MYT1L: variants seen among roughly 807,000 people sequenced by gnomAD.
The protein encoded by MYT1L is myelin transcription factor 1 like.
In MYT1L, 12 loss-of-function variants were observed where a neutral mutation model predicts 126.7. That is an observed-to-expected ratio of 0.09 (90% confidence interval 0.06 to 0.15). The LOEUF (loss-of-function observed/expected upper bound fraction) is 0.15. Ranked by LOEUF, MYT1L falls within the 10% of genes least tolerant of loss-of-function variation. The probability of loss-of-function intolerance (pLI) is 1.00; values close to 1 mark genes in which losing one functional copy is unlikely to be tolerated. For synonymous variants in MYT1L, 541 were observed against 604.2 expected (o/e 0.90, Z 1.53); for missense variants, 979 against 1,585.2 (o/e 0.62, Z 6.49).
chr2:2,159,235 C>G (rs533582665), intron 3 of MYT1L, among the ~76,000 whole-genome samples: 7 of 152,266 alleles, frequency 4.6e-5, no homozygotes, highest in African/African-American at 1.7e-4. Flanking sequence ...AGGCAGCATA[C>G]TAGGCAATCC....
At position 1,889,607 on chromosome 2, in the gene MYT1L, C is replaced by T; in HGVS notation, c.2284-130G>A. ...ACACAGAATCCCTCGCTGCTGTTTC[C>T]TTGGCCTAAACTCCCAAGGCGGACA... is the stretch of plus-strand genomic sequence containing the variant. On this transcript the variant is annotated intron_variant, in intron 15 of 24. Coordinates refer to ENST00000647738, the MANE Select transcript of MYT1L (RefSeq NM_001303052.2). The surrounding 1 kb of genome is among the most constrained non-coding windows in gnomAD (Gnocchi z 4.1). The T allele has an allele frequency of 1.5e-6, 1 of 688,876 alleles. No individual in the cohort carries two copies. The highest frequency in any genetic ancestry group is 1.8e-5 in the African/African-American group (1 of 55,256). The allele number at this position is 688,876 out of a possible 1,614,324, so 42.7% of individuals were successfully genotyped here.
chr2:2,205,219 T>C (rs535071186), intron 2 of MYT1L, among the ~76,000 whole-genome samples: 1 of 151,886 alleles, frequency 6.6e-6, no homozygotes, highest in South Asian at 2.1e-4. Context: ...TATACATATG[T>C]AACAAACCTG....
At chr2:1,796,981 G>C (rs1309961434) in intron 23 of MYT1L, among the ~76,000 whole-genome samples, 1 of 152,148 alleles carries the variant, frequency 6.6e-6, no homozygotes, top group Non-Finnish European at 1.5e-5. Flanking sequence ...GTGTCCCCTG[G>C]GGCCGAGGGC....
At chr2:2,147,528 C>T (rs1450315801) in intron 3 of MYT1L, among the ~76,000 whole-genome samples, 14 of 152,212 alleles carry the variant, frequency 9.2e-5, no homozygotes, top group African/African-American at 2.4e-4. Flanking sequence ...AAATGAGGCA[C>T]GAGAACCCAC....
At chr2:2,004,131 CTTCTTTCCTGCATACG>C (rs1248995027) in intron 4 of MYT1L, among the ~76,000 whole-genome samples, 130 of 137,776 alleles carry the variant, frequency 9.4e-4, no homozygotes, top group African/African-American at 3.3e-3. Context: ...TCCTGTGTGC[CTTCTTTCCTGCATACG>C]TTCTTTCCTG....
intron 2 of MYT1L, among the ~76,000 whole-genome samples, chr2:2,221,605 G>A (rs766210943): frequency 3.3e-5 from 5 of 152,194 alleles, no homozygotes; most frequent in Non-Finnish European, 5.9e-5. Flanking sequence ...GAAAATGACC[G>A]CTGATTCCTT....
intron 2 of MYT1L, among the ~76,000 whole-genome samples, chr2:2,227,264 T>C (rs1362156220): frequency 6.6e-6 from 1 of 152,216 alleles, no homozygotes; most frequent in Non-Finnish European, 1.5e-5. Context: ...CATCTCTACA[T>C]GGATGACTCC....
chr2:2,172,599 A>G (rs1378835103), intron 3 of MYT1L, among the ~76,000 whole-genome samples: 2 of 152,240 alleles, frequency 1.3e-5, no homozygotes, highest in African/African-American at 4.8e-5. Flanking sequence ...GCCTGCAGCA[A>G]TCCTGGGAGC....
chr2:1,842,175 T>C (rs559361997), intron 19 of MYT1L: 1 of 152,332 alleles, frequency 6.6e-6, no homozygotes, highest in African/African-American at 2.4e-5. Flanking sequence ...ATAGTTTTCT[T>C]GGTCAGTTCT....
chr2:2,251,360 C>T (rs2094644418), intron 2 of MYT1L, among the ~76,000 whole-genome samples: 1 of 152,192 alleles, frequency 6.6e-6, no homozygotes, highest in African/African-American at 2.4e-5. Context: ...CTTCACTCTC[C>T]TGCCCTTGCA....
intron 1 of MYT1L, among the ~76,000 whole-genome samples, chr2:2,312,474 G>A (rs868562204): frequency 2.6e-5 from 4 of 151,994 alleles, no homozygotes; most frequent in South Asian, 2.1e-4. Flanking sequence ...TTAGCCAGGT[G>A]GGGTGACATG....
intron 1 of MYT1L, among the ~76,000 whole-genome samples, chr2:2,329,601 A>G (rs2096272679): frequency 6.6e-6 from 1 of 152,234 alleles, no homozygotes; most frequent in African/African-American, 2.4e-5. Flanking sequence ...AAGCTAAAAT[A>G]TAAAGAAATA....
chr2:2,123,682 C>A (rs2081327357), intron 3 of MYT1L, among the ~76,000 whole-genome samples: 1 of 152,220 alleles, frequency 6.6e-6, no homozygotes, highest in Non-Finnish European at 1.5e-5. Context: ...GCCTGTGGAA[C>A]TGTGAGCCAA....
chr2:1,813,876 A>C (rs1307345316), intron 21 of MYT1L, among the ~76,000 whole-genome samples: 2 of 94,378 alleles, frequency 2.1e-5, no homozygotes, highest in Non-Finnish European at 4.5e-5. Flanking sequence ...AAATACAAAA[A>C]ATTAGCCGGG....
At chr2:1,962,936 C>A (rs546270109) in intron 8 of MYT1L, among the ~76,000 whole-genome samples, 2 of 152,204 alleles carry the variant, frequency 1.3e-5, no homozygotes, top group Non-Finnish European at 2.9e-5. Flanking sequence ...ACATTCTGAT[C>A]TCCTGCCATG....
intron 2 of MYT1L, among the ~76,000 whole-genome samples, chr2:2,233,128 G>GAATA (rs2094199380): frequency 6.6e-6 from 1 of 152,188 alleles, no homozygotes; most frequent in Admixed American, 6.5e-5. Flanking sequence ...GTGAATGAAT[G>GAATA]AATAATATAC....
chr2:2,002,688 C>T (rs1319016719), intron 4 of MYT1L, among the ~76,000 whole-genome samples: 2 of 152,142 alleles, frequency 1.3e-5, no homozygotes, highest in African/African-American at 4.8e-5. Context: ...GTGTCCCCAC[C>T]CAAATCTCAC....
intron 2 of MYT1L, among the ~76,000 whole-genome samples, chr2:2,187,489 C>T (rs2092296631): frequency 6.6e-6 from 1 of 151,816 alleles, no homozygotes; most frequent in African/African-American, 2.4e-5. Flanking sequence ...AGCTTAGTTC[C>T]AAATCAGCTC....
chr2:1,839,111 AC>A, intron 21 of MYT1L, 37 bp downstream of exon 21: 2 of 1,557,760 alleles, frequency 1.3e-6, no homozygotes, highest in Non-Finnish European at 1.7e-6. Context: ...TCTCGGCGGC[AC>A]CATCCCAGCC....
Sources: gnomAD v4.1 joint callset for allele counts (sites outside exome capture counted in the v4.1 genomes callset) on GRCh38, gnomAD v4.1.1 for gene constraint, Gnocchi (gnomAD v3.1) non-coding constraint, MANE v1.5 for transcripts, NCBI Gene and HGNC (gene_info 2026-07-23, HGNC 2026-07-21) for gene names.